FBXW7: variants seen among roughly 807,000 people sequenced by gnomAD.
FBXW7 encodes the protein F-box/WD repeat-containing protein 7.
Under a neutral mutation model 86.3 loss-of-function variants are expected in FBXW7, and 11 were observed. The observed-to-expected ratio is 0.13, with a 90% CI of 0.08 to 0.21. The LOEUF is 0.21. FBXW7 is among the 10% of genes least tolerant of loss of function. The pLI, the probability that FBXW7 is intolerant of heterozygous loss-of-function variation, is 1.00. For missense variants in FBXW7, 488 were observed against 847.4 expected (o/e 0.58, Z 5.27); for synonymous variants, 313 against 297.9 (o/e 1.05, Z -0.52).
At chr4:152,431,955 CAG>C (rs1316183047) in intron 2 of FBXW7, among the ~76,000 whole-genome samples, 1 of 152,174 alleles carries the variant, frequency 6.6e-6, no homozygotes, top group Non-Finnish European at 1.5e-5. Context: ...TGCTACTCTT[CAG>C]AGTCTCATTG....
In FBXW7 at chr4:152,392,525, A is replaced by G. The variant is rs1029354970; in HGVS notation, c.501+18778T>C. 2.6e-5 allele frequency among the ~76,000 whole-genome samples: 4 copies of G among 152,114 alleles called. No individual in the cohort carries two copies. The East Asian group carries it at 7.7e-4, about 29-fold the overall frequency. On this transcript the variant is annotated intron_variant, in intron 4 of 13. Transcript: ENST00000281708. ...AGCTGTTCTAGACCCCCACTTTTGC[A>G]CCTCCAGCCATGATCTGACTGCCAC... is the stretch of plus-strand genomic sequence containing the variant.
At chr4:152,378,309 T>C (rs1734739976) in intron 4 of FBXW7, among the ~76,000 whole-genome samples, 1 of 152,224 alleles carries the variant, frequency 6.6e-6, no homozygotes, top group South Asian at 2.1e-4. Context: ...ATAATCACTA[T>C]GAAATTATTT....
intron 2 of FBXW7, among the ~76,000 whole-genome samples, chr4:152,501,695 T>C (rs1456880851): frequency 1.3e-5 from 2 of 152,220 alleles, no homozygotes; most frequent in African/African-American, 4.8e-5. Context: ...GTAAACCTGA[T>C]GAGATCTCGA....
At chr4:152,407,426 A>G (rs1258363378) in intron 4 of FBXW7, among the ~76,000 whole-genome samples, 1 of 152,184 alleles carries the variant, frequency 6.6e-6, no homozygotes, top group African/African-American at 2.4e-5. Context: ...CAGACTTTGA[A>G]CTTAAGTTGC....
chr4:152,451,383 T>C (rs1218877741), intron 2 of FBXW7, among the ~76,000 whole-genome samples: 1 of 152,200 alleles, frequency 6.6e-6, no homozygotes, highest in African/African-American at 2.4e-5. Flanking sequence ...TCTTAAATGG[T>C]AGTCTAAAAG....
In FBXW7 at chr4:152,411,373, G is replaced by A. The variant is rs7660281; in HGVS notation, c.431C>T (p.Thr144Met). The A allele has an allele frequency of 2.9e-5, 46 of 1,613,412 alleles. No individual in the cohort carries two copies. Among genetic ancestry groups the A allele is most frequent in the Middle Eastern group, 1.6e-4 (1 of 6,078 alleles). ...EDEHTHTNSVTNSSSIVDLPV... is the reference protein window; with the variant it reads ...EDEHTHTNSVMNSSSIVDLPV... Reference sequence around the variant, plus strand: ...CAGGTCCACAATACTACTGGAGTTCGTGACACTGTTAGTATGTGTATGTTC... The same window carrying A: ...CAGGTCCACAATACTACTGGAGTTCATGACACTGTTAGTATGTGTATGTTC... The change falls in exon 4 of 14, where the codon ACG becomes ATG. Residue 144 changes from threonine to methionine, a missense_variant. This residue lies in a region of FBXW7 where 230 missense variants were observed against 240.0 expected (regional missense o/e 0.96). Coordinates refer to ENST00000281708, the MANE Select transcript of FBXW7 (RefSeq NM_001349798.2).
At chr4:152,495,366 G>A (rs752182821) in intron 2 of FBXW7, among the ~76,000 whole-genome samples, 5 of 152,026 alleles carry the variant, frequency 3.3e-5, no homozygotes, top group East Asian at 1.9e-4. Context: ...GCTTGAAACC[G>A]GGAGACAGAG....
At chr4:152,455,878 A>G (rs1431691773) in intron 2 of FBXW7, among the ~76,000 whole-genome samples, 4 of 152,146 alleles carry the variant, frequency 2.6e-5, no homozygotes, top group African/African-American at 9.7e-5. Flanking sequence ...GCTCACCTGG[A>G]CAATCCTGGC....
At chr4:152,431,055 G>A (rs1380444378) in intron 2 of FBXW7, among the ~76,000 whole-genome samples, 1 of 152,174 alleles carries the variant, frequency 6.6e-6, no homozygotes, top group South Asian at 2.1e-4. Context: ...AAAATGGAAC[G>A]AGTGTTTCTG....
chr4:152,466,508 T>C (rs948373895), intron 2 of FBXW7, among the ~76,000 whole-genome samples: 2 of 151,456 alleles, frequency 1.3e-5, no homozygotes, highest in African/African-American at 2.4e-5. Context: ...TGAGCCAAGA[T>C]TGTGCCACTG....
At chr4:152,454,261 C>CT (rs1560917604) in intron 2 of FBXW7, among the ~76,000 whole-genome samples, 1 of 129,518 alleles carries the variant, frequency 7.7e-6, no homozygotes, top group Admixed American at 7.5e-5. Flanking sequence ...GCCCCCCCCC[C>CT]CTTTTTTTTT....
At chr4:152,343,684 A>G (rs1341382764) in intron 6 of FBXW7, among the ~76,000 whole-genome samples, 1 of 152,070 alleles carries the variant, frequency 6.6e-6, no homozygotes, top group Non-Finnish European at 1.5e-5. Flanking sequence ...TAAGTGAAAA[A>G]CCATTTATTA....
chr4:152,434,090 T>C (rs1740159153), intron 2 of FBXW7, among the ~76,000 whole-genome samples: 1 of 152,156 alleles, frequency 6.6e-6, no homozygotes, highest in Non-Finnish European at 1.5e-5. Context: ...GGACCAACTT[T>C]GCATATATGT....
chr4:152,437,913 G>A (rs967023960), intron 2 of FBXW7, among the ~76,000 whole-genome samples: 3 of 152,150 alleles, frequency 2.0e-5, no homozygotes, highest in African/African-American at 7.2e-5. Flanking sequence ...GATGGCTCAC[G>A]CTTGTAATCT....
In FBXW7 at chr4:152,446,835, A is replaced by C. The variant is rs139905575; in HGVS notation, c.-119-34306T>G. 4.3e-3 allele frequency among the ~76,000 whole-genome samples: 649 copies of C among 152,316 alleles called. 6 individuals are homozygous for C. The highest frequency in any genetic ancestry group is 0.014 in the African/African-American group (582 of 41,568). On this transcript the variant is annotated intron_variant, in intron 2 of 13. Coordinates refer to ENST00000281708, the MANE Select transcript of FBXW7 (RefSeq NM_001349798.2). ...ATGATTAATTTGCTGGTGGCCCATC[A>C]TTAAACATTTTCAATATATATGAAA...
intron 4 of FBXW7, among the ~76,000 whole-genome samples, chr4:152,365,137 G>C (rs1006441941): frequency 3.9e-5 from 6 of 152,156 alleles, no homozygotes; most frequent in South Asian, 4.1e-4. Context: ...CTCGCTGAAT[G>C]AATGACTGAG....
chr4:152,387,447 TATC>T (rs1735619366), intron 4 of FBXW7, among the ~76,000 whole-genome samples: 1 of 152,108 alleles, frequency 6.6e-6, no homozygotes, highest in South Asian at 2.1e-4. Flanking sequence ...ACATCATAGA[TATC>T]AGAGTATTAA....
intron 4 of FBXW7, among the ~76,000 whole-genome samples, chr4:152,383,429 C>T (rs1407733856): frequency 6.6e-6 from 1 of 152,082 alleles, no homozygotes; most frequent in African/African-American, 2.4e-5. Flanking sequence ...AGCATTATCT[C>T]AAATATTTCC....
At chr4:152,483,547 C>T (rs1167501723) in intron 2 of FBXW7, among the ~76,000 whole-genome samples, 1 of 151,826 alleles carries the variant, frequency 6.6e-6, no homozygotes. Flanking sequence ...ACAAAAAGTA[C>T]AAAAATTAGT....
Sources: allele counts gnomAD v4.1 joint callset (sites outside exome capture counted in the v4.1 genomes callset), GRCh38; gene constraint gnomAD v4.1.1; regional missense constraint gnomAD v4.1.1; transcripts MANE v1.5; gene names NCBI Gene and HGNC (gene_info 2026-07-23, HGNC 2026-07-21).